Variants in VGLL1 observed in about 807,000 individuals in gnomAD.
The protein encoded by VGLL1 is vestigial like family member 1.
Under a neutral mutation model 12.0 loss-of-function variants are expected in VGLL1, and 4 were observed. The ratio of observed to expected loss-of-function variants is 0.33; its 90% confidence interval spans 0.16 to 0.76. The LOEUF is 0.76. VGLL1 is among the 30% of genes least tolerant of loss of function. The pLI is 0.60. For missense variants in VGLL1, 204 were observed against 208.7 expected (o/e 0.98, Z 0.14); for synonymous variants, 87 against 81.2 (o/e 1.07, Z -0.39).
intron 1 of VGLL1, among the ~76,000 whole-genome samples, chrX:136,532,865 AG>A (rs2075829749): frequency 9.2e-6 from 1 of 108,977 alleles, no homozygotes; most frequent in African/African-American, 3.4e-5. Flanking sequence ...CTACTACGAG[AG>A]GCTTTTGCTA....
intron 1 of VGLL1, among the ~76,000 whole-genome samples, chrX:136,533,952 G>A (rs949785818): frequency 1.1e-4 from 12 of 112,270 alleles, no homozygotes; most frequent in Non-Finnish European, 1.9e-4. Context: ...CTGTAAAATG[G>A]GGATAACAAT....
chrX:136,549,621 C>T (rs2075880032), intron 3 of VGLL1, among the ~76,000 whole-genome samples: 1 of 109,875 alleles, frequency 9.1e-6, no homozygotes, highest in Non-Finnish European at 1.9e-5. Flanking sequence ...ACCACCACCC[C>T]TCCCCTGAAC....
intron 2 of VGLL1, among the ~76,000 whole-genome samples, chrX:136,539,253 C>T (rs1455055467): frequency 8.9e-6 from 1 of 112,025 alleles, no homozygotes; most frequent in Non-Finnish European, 1.9e-5. Flanking sequence ...TGGGATAAAA[C>T]CAACTCTTGG....
chrX:136,539,989 G>A (rs73556702), intron 2 of VGLL1, among the ~76,000 whole-genome samples: 22,429 of 110,651 alleles, frequency 0.2, 2,393 homozygotes, highest in African/African-American at 0.4. Flanking sequence ...TGGAAATTGT[G>A]TAGGTTCTAT....
intron 2 of VGLL1, among the ~76,000 whole-genome samples, chrX:136,542,317 G>C: frequency 8.9e-6 from 1 of 112,089 alleles, no homozygotes; most frequent in Middle Eastern, 4.6e-3. Flanking sequence ...TAAGGAAGAG[G>C]AATCTATCTG....
At chrX:136,545,888 C>T (rs1225463739) in intron 2 of VGLL1, among the ~76,000 whole-genome samples, 1 of 111,270 alleles carries the variant, frequency 9.0e-6, no homozygotes, top group Non-Finnish European at 1.9e-5. Flanking sequence ...AAGGGCAGTG[C>T]GGGAAATGGA....
In VGLL1 at chrX:136,536,008, T is replaced by G. The variant is rs1345596444; in HGVS notation, c.-13T>G. ...CTTTGGTCCACAGCTGTCACCTGTG[T>G]CATTCACTCACAATGGAAGAAATGA... is the stretch of plus-strand genomic sequence containing the variant. On this transcript the variant is annotated 5_prime_UTR_variant, in exon 2 of 5. Coordinates refer to ENST00000370634, the MANE Select transcript of VGLL1 (RefSeq NM_016267.4). 2.5e-6 allele frequency: 3 copies of G among 1,204,957 alleles called. No individual in the cohort carries two copies. Among genetic ancestry groups the G allele is most frequent in the Non-Finnish European group, 3.4e-6 (3 of 891,605 alleles).
At position 136,542,995 on chromosome X, in the gene VGLL1, A is replaced by G. The variant is rs142050878; in HGVS notation, c.215-5594A>G. 5.8e-3 allele frequency among the ~76,000 whole-genome samples: 654 copies of G among 112,068 alleles called. 4 individuals are homozygous for G. The highest frequency in any genetic ancestry group is 0.02 in the African/African-American group (607 of 30,783). On this transcript the variant is annotated intron_variant, in intron 2 of 4. Coordinates refer to ENST00000370634, the MANE Select transcript of VGLL1 (RefSeq NM_016267.4). ...TAACTCTATGTCCATTTTCCTGATGAGGAAACTGAGGCTCAGACAGTCAAG... is the reference window on the plus strand; with the variant it reads ...TAACTCTATGTCCATTTTCCTGATGGGGAAACTGAGGCTCAGACAGTCAAG...
intron 2 of VGLL1, among the ~76,000 whole-genome samples, chrX:136,540,687 G>A (rs1481260804): frequency 8.9e-6 from 1 of 111,910 alleles, no homozygotes; most frequent in Non-Finnish European, 1.9e-5. Context: ...TCTGTTAACT[G>A]CTGCTTTCTA....
chrX:136,543,090 G>C (rs1044725481), intron 2 of VGLL1, among the ~76,000 whole-genome samples: 1 of 111,382 alleles, frequency 9.0e-6, no homozygotes, highest in Non-Finnish European at 1.9e-5. Flanking sequence ...AATTGATTTC[G>C]GATCTTAGCC....
In VGLL1 at chrX:136,547,506, C is replaced by G. The variant is rs181088439; in HGVS notation, c.215-1083C>G. On this transcript the variant is annotated intron_variant, in intron 2 of 4. Transcript: ENST00000370634. ...AAATGGGGTCCAAGCAACTACTTCCCTCCCCATTACTTATCGTTCCAGCTC... is the reference window on the plus strand; with the variant it reads ...AAATGGGGTCCAAGCAACTACTTCCGTCCCCATTACTTATCGTTCCAGCTC... 1.9e-3 allele frequency among the ~76,000 whole-genome samples: 218 copies of G among 112,067 alleles called. 2 individuals carry two copies. The highest frequency in any genetic ancestry group is 6.8e-3 in the African/African-American group (210 of 30,843).
chrX:136,553,241 C>G (rs763360091), intron 4 of VGLL1, among the ~76,000 whole-genome samples: 1 of 109,945 alleles, frequency 9.1e-6, no homozygotes, highest in African/African-American at 3.3e-5. Context: ...TGCCCAGATC[C>G]TGCTCCCCCA....
At chrX:136,555,529 CTT>C (rs1192977674) in intron 4 of VGLL1, among the ~76,000 whole-genome samples, 1 of 111,188 alleles carries the variant, frequency 9.0e-6, no homozygotes, top group Non-Finnish European at 1.9e-5. Flanking sequence ...ATGAAGGTAA[CTT>C]GAGGGGTGAA....
At chrX:136,551,305 A>T (rs183685445) in intron 4 of VGLL1, among the ~76,000 whole-genome samples, 1 of 111,002 alleles carries the variant, frequency 9.0e-6, no homozygotes, top group Non-Finnish European at 1.9e-5. Flanking sequence ...ATTCATGAGG[A>T]TGAGGATTAG....
intron 2 of VGLL1, among the ~76,000 whole-genome samples, chrX:136,536,748 G>A (rs1348692321): frequency 8.9e-6 from 1 of 112,334 alleles, no homozygotes; most frequent in African/African-American, 3.2e-5. Flanking sequence ...AAAGTTCTGT[G>A]AGGGCAAGGA....
intron 1 of VGLL1, among the ~76,000 whole-genome samples, chrX:136,535,279 G>C (rs943021757): frequency 3.6e-5 from 4 of 112,476 alleles, no homozygotes; most frequent in African/African-American, 1.3e-4. Flanking sequence ...CTGGGGAACA[G>C]AGCTGACAAT....
Position 136,536,228 on chromosome X carries a change from A to C in VGLL1, c.208A>C (p.Lys70Gln). The change falls in exon 2 of 5, where the codon AAA becomes CAA. Residue 70 changes from lysine to glutamine, a missense_variant. Physicochemically the swap from Lys to Gln is moderately conservative, Grantham distance 53. Coordinates refer to ENST00000370634, the MANE Select transcript of VGLL1 (RefSeq NM_016267.4). The part of the protein sequence containing the change: ...PSSQSEGVML[K>Q]NDDSMSPNQW... ...GAGTCAGAGTGAAGGTGTGATGCTG[A>C]AAAACGGTGAGCATGTGGGGAGGGA... 1 of 1,208,480 alleles carries C rather than the reference A, an allele frequency of 8.3e-7. No individual in the cohort carries two copies. The highest frequency in any genetic ancestry group is 1.1e-6 in the Non-Finnish European group (1 of 893,587).
chrX:136,555,314 G>T (rs1453505696), intron 4 of VGLL1, among the ~76,000 whole-genome samples: 1 of 112,364 alleles, frequency 8.9e-6, no homozygotes, highest in Non-Finnish European at 1.9e-5. Context: ...ACAGGAGCCA[G>T]ATTGAAGTGG....
rs756521252 is a variant in VGLL1, at chrX:136,548,750, C to T, written c.376C>T (p.Arg126Trp). Residue 126 changes from arginine to tryptophan, a missense_variant, in exon 3 of 5, where the codon CGG becomes TGG. Transcript: ENST00000370634. ...SPSLARRASV[R>W]PGELWHFSSL... ...GTCCCTGGCTAGGAGGGCCTCTGTT[C>T]GGCCTGGGGAGCTGTGGCATTTCTC... 5.8e-6 allele frequency: 7 copies of T among 1,210,474 alleles called. No homozygotes were observed. The highest frequency in any genetic ancestry group is 3.5e-5 in the African/African-American group (2 of 57,253).
Sources: gnomAD v4.1 joint callset for allele counts (sites outside exome capture counted in the v4.1 genomes callset) on GRCh38, gnomAD v4.1.1 for gene constraint, MANE v1.5 for transcripts, NCBI Gene and HGNC (gene_info 2026-07-23, HGNC 2026-07-21) for gene names.